MTUS2: variants seen among roughly 807,000 people sequenced by gnomAD.
MTUS2 encodes the protein microtubule-associated tumor suppressor candidate 2.
A neutral mutation model predicts 114.1 loss-of-function variants in MTUS2; 40 were observed. That is an observed-to-expected ratio of 0.35 (90% CI 0.27 to 0.46). The LOEUF is 0.46. Among genes scored for constraint, MTUS2 ranks in the 20% least tolerant of loss-of-function variants. The pLI, the probability that MTUS2 is intolerant of heterozygous loss-of-function variation, is 1.00. For synonymous variants in MTUS2, 688 were observed against 672.0 expected, an observed-to-expected ratio of 1.02 and a Z score of -0.37; for missense variants, 1,679 against 1,705.4, an observed-to-expected ratio of 0.98 and a Z score of 0.27.
chr13:29,316,310 G>C (rs1206934341), intron 6 of MTUS2, among the ~76,000 whole-genome samples: 2 of 149,212 alleles, frequency 1.3e-5, no homozygotes, highest in Non-Finnish European at 3.0e-5. Flanking sequence ...TGAGGACAAA[G>C]GTAGGGGATG....
At chr13:29,048,572 G>C (rs1023021312) in intron 4 of MTUS2, among the ~76,000 whole-genome samples, 20 of 152,196 alleles carry the variant, frequency 1.3e-4, no homozygotes, top group African/African-American at 4.8e-4. Flanking sequence ...TGGCTCAAAC[G>C]ATCCTCCCAC....
chr13:28,825,224 T>A (rs1874185368), intron 1 of MTUS2, among the ~76,000 whole-genome samples: 1 of 152,102 alleles, frequency 6.6e-6, no homozygotes, highest in South Asian at 2.1e-4. Flanking sequence ...CATACCTGAA[T>A]AGGAGTAAGG....
At chr13:29,444,316 C>T (rs1878118608) in intron 9 of MTUS2, among the ~76,000 whole-genome samples, 1 of 152,130 alleles carries the variant, frequency 6.6e-6, no homozygotes, top group Non-Finnish European at 1.5e-5. Flanking sequence ...GTAATCCCAG[C>T]TAGTGAGGAG....
At chr13:29,169,322 T>C (rs1893456097) in intron 5 of MTUS2, among the ~76,000 whole-genome samples, 1 of 152,180 alleles carries the variant, frequency 6.6e-6, no homozygotes, top group Non-Finnish European at 1.5e-5. Context: ...GGTAGTATGA[T>C]TTATGCGTAG....
At chr13:29,301,793 G>C (rs1001819115) in intron 6 of MTUS2, among the ~76,000 whole-genome samples, 1 of 152,198 alleles carries the variant, frequency 6.6e-6, no homozygotes, top group Non-Finnish European at 1.5e-5. Context: ...CATCAACTGG[G>C]TGGCTTATAA....
intron 5 of MTUS2, among the ~76,000 whole-genome samples, chr13:29,204,698 C>T (rs944273488): frequency 1.8e-4 from 27 of 152,338 alleles, no homozygotes; most frequent in African/African-American, 2.2e-4. Flanking sequence ...CTCAGGTAGC[C>T]GCCCATGACA....
At chr13:29,407,846 A>G (rs1475918173) in intron 8 of MTUS2, among the ~76,000 whole-genome samples, 1 of 152,098 alleles carries the variant, frequency 6.6e-6, no homozygotes, top group East Asian at 1.9e-4. Context: ...GTACTAGCCA[A>G]CTGAGATATC....
At chr13:28,943,289 T>G (rs1318754461) in intron 2 of MTUS2, among the ~76,000 whole-genome samples, 1 of 152,218 alleles carries the variant, frequency 6.6e-6, no homozygotes, top group Non-Finnish European at 1.5e-5. Context: ...GGATAAACAT[T>G]TACTGAGTTT....
chr13:29,406,260 CACT>C (rs990356034), intron 8 of MTUS2, among the ~76,000 whole-genome samples: 2 of 152,132 alleles, frequency 1.3e-5, no homozygotes, highest in Non-Finnish European at 2.9e-5. Flanking sequence ...CTTACTACCC[CACT>C]GAGGGTCGGG....
At chr13:28,892,895 C>A (rs1879017482) in intron 2 of MTUS2, among the ~76,000 whole-genome samples, 2 of 152,144 alleles carry the variant, frequency 1.3e-5, no homozygotes, top group South Asian at 4.1e-4. Context: ...GACTTCTTTC[C>A]AATGCAGAGA....
intron 2 of MTUS2, among the ~76,000 whole-genome samples, chr13:28,903,244 T>C (rs115587231): frequency 0.031 from 4,766 of 152,104 alleles, 227 homozygotes; most frequent in African/African-American, 0.11. Flanking sequence ...TTGACAGTTC[T>C]TTTCTTTCTT....
intron 5 of MTUS2, among the ~76,000 whole-genome samples, chr13:29,198,810 T>A (rs966097353): frequency 2.0e-5 from 3 of 152,146 alleles, no homozygotes; most frequent in Admixed American, 6.5e-5. Flanking sequence ...TTCCTAGGTA[T>A]TTTTTTCTCT....
chr13:29,335,087 G>A (rs528809343), intron 7 of MTUS2, among the ~76,000 whole-genome samples: 31 of 152,272 alleles, frequency 2.0e-4, no homozygotes, highest in Admixed American at 1.5e-3. Flanking sequence ...TGGGCCAGGC[G>A]GAACAGAGCC....
intron 8 of MTUS2, among the ~76,000 whole-genome samples, chr13:29,423,153 A>C (rs968775257): frequency 7.2e-5 from 11 of 152,204 alleles, no homozygotes; most frequent in African/African-American, 2.4e-4. Context: ...CCTGGAATTT[A>C]GGCCCCAGCC....
chr13:28,996,242 T>G (rs1041842356), intron 2 of MTUS2, among the ~76,000 whole-genome samples: 1 of 152,224 alleles, frequency 6.6e-6, no homozygotes, highest in East Asian at 1.9e-4. Flanking sequence ...ATCCCAGGGA[T>G]GAAGCCCACT....
At chr13:29,083,544 G>T (rs987389881) in intron 4 of MTUS2, among the ~76,000 whole-genome samples, 1 of 152,194 alleles carries the variant, frequency 6.6e-6, no homozygotes, top group African/African-American at 2.4e-5. Flanking sequence ...CGTTGCAGTT[G>T]CTGATTAGAT....
At position 29,375,606 on chromosome 13, in the gene MTUS2, T is replaced by TAC. The variant is rs1487400797; in HGVS notation, c.3117+16134_3117+16135dup. ...ATATATACGTATATATATATATATA[T>TAC]ACGTATATATATATATATATATATA... On this transcript the variant is annotated intron_variant, in intron 8 of 15. Transcript: ENST00000612955. 4.4e-4 allele frequency among the ~76,000 whole-genome samples: 2 copies of TAC among 4,530 alleles called. 1 individual carries two copies. The highest frequency in any genetic ancestry group is 9.7e-4 in the African/African-American group (2 of 2,054). 3.0% of individuals were successfully genotyped at this position (4,530 alleles called of 152,430 possible).
At chr13:28,952,597 A>G (rs752859022) in intron 2 of MTUS2, among the ~76,000 whole-genome samples, 4 of 152,112 alleles carry the variant, frequency 2.6e-5, no homozygotes, top group Admixed American at 6.6e-5. Flanking sequence ...TACTTGGTGC[A>G]TATCTTTTTA....
At chr13:28,955,248 G>A (rs2138190018) in intron 2 of MTUS2, among the ~76,000 whole-genome samples, 1 of 152,308 alleles carries the variant, frequency 6.6e-6, no homozygotes, top group South Asian at 2.1e-4. Flanking sequence ...TTTGCGTAAT[G>A]CAGCTTGCAT....
Sources: gnomAD v4.1 joint callset for allele counts (sites outside exome capture counted in the v4.1 genomes callset) on GRCh38, gnomAD v4.1.1 for gene constraint, MANE v1.5 for transcripts, NCBI Gene and HGNC (gene_info 2026-07-23, HGNC 2026-07-21) for gene names.